ADAMTSL1: variants seen among roughly 807,000 people sequenced by gnomAD.
ADAMTSL1 encodes ADAMTS like 1, also known as ADAMTS-like protein 1.
In ADAMTSL1, 126 loss-of-function variants were observed where a neutral mutation model predicts 201.8. That is an observed-to-expected ratio of 0.62 (90% confidence interval 0.54 to 0.72). The LOEUF (loss-of-function observed/expected upper bound fraction) is 0.72. ADAMTSL1 is among the 30% of genes least tolerant of loss of function. The pLI is 0.00. For missense variants in ADAMTSL1, 2,679 were observed against 2,277.8 expected, an observed-to-expected ratio of 1.18 and a Z score of -3.59; for synonymous variants, 1,121 against 903.4, an observed-to-expected ratio of 1.24 and a Z score of -4.32.
At chr9:18,111,030 T>C (rs1564006154) in intron 1 of ADAMTSL1, among the ~76,000 whole-genome samples, 2 of 152,200 alleles carry the variant, frequency 1.3e-5, no homozygotes, top group Non-Finnish European at 2.9e-5. Context: ...TTCTCTAAAA[T>C]GATGCTCTCT....
At chr9:18,102,299 A>T (rs1269900205) in intron 1 of ADAMTSL1, among the ~76,000 whole-genome samples, 1 of 152,066 alleles carries the variant, frequency 6.6e-6, no homozygotes, top group Non-Finnish European at 1.5e-5. Flanking sequence ...TTTATTTATA[A>T]AGTGTTTGTC....
At chr9:17,983,072 C>CTTTTTTTT (rs199805015) in intron 1 of ADAMTSL1, among the ~76,000 whole-genome samples, 4 of 100,314 alleles carry the variant, frequency 4.0e-5, no homozygotes, top group Admixed American at 1.3e-4. Flanking sequence ...TTCTTTCTTT[C>CTTTTTTTT]TTTCTTTTTT....
intron 1 of ADAMTSL1, among the ~76,000 whole-genome samples, chr9:18,024,534 G>C (rs1409378001): frequency 1.3e-5 from 2 of 152,014 alleles, no homozygotes; most frequent in East Asian, 3.9e-4. Flanking sequence ...TTCTGTTTCT[G>C]AGTTAATTTG....
Position 18,558,780 on chromosome 9 carries a change from C to T in ADAMTSL1, c.238-15250C>T, listed in dbSNP as rs183798044. ...TGACCAGTGATGATGAGTTTTTTTT[C>T]GTATGTTTGTTGGCCACATAAATGT... is the stretch of plus-strand genomic sequence containing the variant. On this transcript the variant is annotated intron_variant, in intron 3 of 28. Transcript: ENST00000380548. 8.4e-3 allele frequency among the ~76,000 whole-genome samples: 1,280 copies of T among 151,872 alleles called. 13 individuals carry two copies. Among genetic ancestry groups the T allele is most frequent in the East Asian group, 0.047 (245 of 5,174 alleles).
intron 7 of ADAMTSL1, among the ~76,000 whole-genome samples, chr9:18,646,801 T>A (rs1022360398): frequency 1.3e-5 from 2 of 152,140 alleles, no homozygotes; most frequent in Non-Finnish European, 2.9e-5. Context: ...CAGTATTTTA[T>A]TGAGGATTTT....
At chr9:18,342,558 C>T (rs904591907) in intron 2 of ADAMTSL1, among the ~76,000 whole-genome samples, 6 of 152,128 alleles carry the variant, frequency 3.9e-5, no homozygotes, top group African/African-American at 4.8e-5. Flanking sequence ...ACTTATTAAA[C>T]GTATGTATAT....
chr9:18,101,611 C>A (rs1267993230), intron 1 of ADAMTSL1, among the ~76,000 whole-genome samples: 1 of 152,130 alleles, frequency 6.6e-6, no homozygotes, highest in African/African-American at 2.4e-5. Flanking sequence ...TAGTTGAGCC[C>A]CTTCTCAGCA....
chr9:18,523,476 T>C (rs1818831237), intron 2 of ADAMTSL1, among the ~76,000 whole-genome samples: 1 of 152,230 alleles, frequency 6.6e-6, no homozygotes, highest in African/African-American at 2.4e-5. Context: ...CTGGCTTTTG[T>C]TGCCACTGCT....
intron 2 of ADAMTSL1, among the ~76,000 whole-genome samples, chr9:18,389,652 CAT>C (rs1165072673): frequency 6.6e-6 from 1 of 152,062 alleles, no homozygotes; most frequent in Admixed American, 6.5e-5. Context: ...CAAGCCTAAA[CAT>C]AAAAAATTAA....
At chr9:18,378,912 G>A (rs1044855148) in intron 2 of ADAMTSL1, among the ~76,000 whole-genome samples, 2 of 152,180 alleles carry the variant, frequency 1.3e-5, no homozygotes, top group African/African-American at 4.8e-5. Context: ...GTCCTTGGAA[G>A]GGATAGGGTT....
intron 1 of ADAMTSL1, among the ~76,000 whole-genome samples, chr9:18,494,265 C>A (rs915509330): frequency 2.0e-5 from 3 of 150,606 alleles, no homozygotes; most frequent in Non-Finnish European, 1.5e-5. Context: ...CTGAGACAGG[C>A]GAATCGCTTG....
chr9:17,977,008 A>G (rs1818479499), intron 1 of ADAMTSL1, among the ~76,000 whole-genome samples: 1 of 151,786 alleles, frequency 6.6e-6, no homozygotes, highest in Non-Finnish European at 1.5e-5. Flanking sequence ...TTCTTTCTAT[A>G]CCTAATTTGT....
chr9:18,879,424 T>TAA (rs1314671008), intron 23 of ADAMTSL1, among the ~76,000 whole-genome samples: 1 of 152,236 alleles, frequency 6.6e-6, no homozygotes, highest in East Asian at 1.9e-4. Flanking sequence ...TTAGCCTTGA[T>TAA]AAGTTTCAGA....
rs57969127 is a variant in ADAMTSL1, at chr9:18,308,613, A to ATG, written c.207+144632_207+144633insTG. Reference sequence around the variant, plus strand: ...AAGAAATGGATACATTCCTGGACACACACCTTCCCCAGACTAAACCAGGAA... The same window carrying ATG: ...AAGAAATGGATACATTCCTGGACACATGCACCTTCCCCAGACTAAACCAGGAA... On this transcript the variant is annotated intron_variant, in intron 2 of 29. Coordinates refer to the ADAMTSL1 transcript ENST00000680146. Among the ~76,000 whole-genome samples the ATG allele has an allele frequency of 4.3e-3, 584 of 134,818 alleles. 3 individuals are homozygous for ATG. The highest frequency in any genetic ancestry group is 0.022 in the African/African-American group (559 of 25,394). 88.4% of individuals were successfully genotyped at this position (134,818 alleles called of 152,430 possible).
chr9:18,684,299 CA>C (rs201718795), intron 12 of ADAMTSL1, among the ~76,000 whole-genome samples: 3,004 of 132,148 alleles, frequency 0.023, 81 homozygotes, highest in African/African-American at 0.067. Context: ...AGCTAAAAGG[CA>C]AAAAAAAAAA....
At chr9:18,188,369 G>A (rs529309230) in intron 2 of ADAMTSL1, among the ~76,000 whole-genome samples, 1 of 152,100 alleles carries the variant, frequency 6.6e-6, no homozygotes, top group Non-Finnish European at 1.5e-5. Flanking sequence ...ATTCTATGGG[G>A]TCTTTCCTGT....
At chr9:18,392,438 C>A (rs1838090671) in intron 2 of ADAMTSL1, among the ~76,000 whole-genome samples, 1 of 152,172 alleles carries the variant, frequency 6.6e-6, no homozygotes, top group Non-Finnish European at 1.5e-5. Context: ...GCCTGCTCTC[C>A]AATAAGCATC....
chr9:18,071,866 A>G (rs1822984175), intron 1 of ADAMTSL1, among the ~76,000 whole-genome samples: 1 of 152,228 alleles, frequency 6.6e-6, no homozygotes, highest in Non-Finnish European at 1.5e-5. Flanking sequence ...GTGCTGAATG[A>G]TGATATTCAT....
In ADAMTSL1 at chr9:18,776,997, A is replaced by C. The variant is rs751578685; in HGVS notation, c.2768A>C (p.His923Pro). The C allele has an allele frequency of 1.6e-4, 257 of 1,601,914 alleles. 1 individual carries two copies. The highest frequency in any genetic ancestry group is 6.0e-6 in the Non-Finnish European group (7 of 1,172,500). Residue 923 changes from histidine (H) to proline (P), a missense_variant, in exon 19 of 29, where the codon CAC (histidine) becomes CCC (proline). Physicochemically the swap from His to Pro is moderately conservative, Grantham distance 77. Coordinates refer to ENST00000380548, the MANE Select transcript of ADAMTSL1 (RefSeq NM_001040272.6). ...GGCCAGCACCTCATCAGCTCGACGC[A>C]CGTCACGGTGGCCCCCTTCGGCTAT... is the stretch of plus-strand genomic sequence containing the variant. ...KDGQHLISST[H>P]VTVAPFGYLK...
Sources: allele counts gnomAD v4.1 joint callset (sites outside exome capture counted in the v4.1 genomes callset), GRCh38; gene constraint gnomAD v4.1.1; transcripts MANE v1.5; gene names NCBI Gene and HGNC (gene_info 2026-07-23, HGNC 2026-07-21).